CYP2U1: variants seen among roughly 807,000 people sequenced by gnomAD.
The protein encoded by CYP2U1 is cytochrome P450 family 2 subfamily U member 1.
Under a neutral mutation model 42.8 loss-of-function variants are expected in CYP2U1, and 28 were observed. The ratio of observed to expected loss-of-function variants is 0.65; its 90% CI spans 0.48 to 0.90. The LOEUF is 0.90. Ranked by LOEUF, CYP2U1 falls within the 40% of genes least tolerant of loss-of-function variation. CYP2U1 has a pLI of 0.00. For missense variants in CYP2U1, 642 were observed against 693.8 expected, an observed-to-expected ratio of 0.93 and a Z score of 0.84; for synonymous variants, 296 against 278.9, an observed-to-expected ratio of 1.06 and a Z score of -0.61.
At chr4:107,936,097 G>A (rs1733251795) in intron 1 of CYP2U1, 1 of 152,002 alleles carries the variant, frequency 6.6e-6, no homozygotes. Context: ...AGACAAGGTG[G>A]TCTTCTTCTT....
At chr4:107,934,085 T>G (rs1167605564) in intron 1 of CYP2U1, among the ~76,000 whole-genome samples, 1 of 152,208 alleles carries the variant, frequency 6.6e-6, no homozygotes, top group African/African-American at 2.4e-5. Flanking sequence ...GTTTAATTTT[T>G]TGAAGAACCA....
chr4:107,947,378 A>G lies in CYP2U1; in HGVS notation c.1129A>G (p.Lys377Glu). 6.2e-7 allele frequency: 1 copy of G among 1,614,046 alleles called. No homozygotes were observed. The highest frequency in any genetic ancestry group is 8.5e-7 in the Non-Finnish European group (1 of 1,179,966). Residue 377 changes from lysine (K) to glutamate (E), a missense_variant and splice_region_variant, in exon 3 of 5, where the codon AAG becomes GAG. Coordinates refer to ENST00000332884, the MANE Select transcript of CYP2U1 (RefSeq NM_183075.3). ...TTTATTTTTCCCTTTTTACATAGAA[A>G]AGGTTCATGAAGAAATTGAAAGAGT... The part of the protein sequence containing the change: ...YMSLNPDVQE[K>E]VHEEIERVIG...
chr4:107,947,641 C>T (rs1459531188), intron 3 of CYP2U1, 104 bp downstream of exon 3: 3 of 1,142,138 alleles, frequency 2.6e-6, no homozygotes, highest in Non-Finnish European at 3.8e-6. Flanking sequence ...TAGCTTGATC[C>T]TTCTGAAGAT....
Position 107,931,919 on chromosome 4 carries a change from G to C in CYP2U1, c.276G>C (p.Arg92Ser). ...RRRSWLSSRTRAAGIDPSVIG... is the reference protein window; with the variant it reads ...RRRSWLSSRTSAAGIDPSVIG... ...GGAGCTGGCTGAGCAGCAGGACCAG[G>C]GCCGCAGGGATTGATCCCTCGGTCA... Residue 92 changes from arginine (R) to serine (S), a missense_variant, in exon 1 of 5, where the codon AGG becomes AGC. Physicochemically the swap from Arg to Ser is moderately radical, Grantham distance 110. Coordinates refer to ENST00000332884, the MANE Select transcript of CYP2U1 (RefSeq NM_183075.3). 1.3e-6 allele frequency: 2 copies of C among 1,551,084 alleles called. No individual in the cohort carries two copies. Among genetic ancestry groups the C allele is most frequent in the South Asian group, 1.2e-5 (1 of 84,062 alleles).
At position 107,950,295 on chromosome 4, in the gene CYP2U1, A is replaced by G. The variant is rs756308496; in HGVS notation, c.1507A>G (p.Met503Val). 1.2e-6 allele frequency: 2 copies of G among 1,613,838 alleles called. No homozygotes were observed. The highest frequency in any genetic ancestry group is 4.5e-5 in the East Asian group (2 of 44,846). Reference sequence around the variant, plus strand: ...ACTGGCAAAGATGGAATTATTCCTAATGTTTGTGAGCCTAATGCAGAGTTT... The same window carrying G: ...ACTGGCAAAGATGGAATTATTCCTAGTGTTTGTGAGCCTAATGCAGAGTTT... ...EQLAKMELFLMFVSLMQSFAF... is the reference protein window; with the variant it reads ...EQLAKMELFLVFVSLMQSFAF... The change falls in exon 5 of 5, where the codon ATG becomes GTG. Residue 503 changes from methionine (M) to valine (V), a missense_variant. By Grantham distance (21) the Met-to-Val change is conservative. Coordinates refer to ENST00000332884, the MANE Select transcript of CYP2U1 (RefSeq NM_183075.3).
chr4:107,932,149 T>G lies in CYP2U1; in HGVS notation c.490+16T>G. The G allele has an allele frequency of 6.3e-7, 1 of 1,596,026 alleles. No individual in the cohort carries two copies. The highest frequency in any genetic ancestry group is 8.5e-7 in the Non-Finnish European group (1 of 1,172,404). On this transcript the variant is annotated intron_variant, in intron 1 of 4. Coordinates refer to ENST00000332884, the MANE Select transcript of CYP2U1 (RefSeq NM_183075.3). Reference sequence around the variant, plus strand: ...AAGGAGAAGGGTGAGCGGGAGGTCGTGGGCTGTGGGTACGCGGATGCCGCG... The same window carrying G: ...AAGGAGAAGGGTGAGCGGGAGGTCGGGGGCTGTGGGTACGCGGATGCCGCG...
At chr4:107,940,984 C>A (rs968385201) in intron 1 of CYP2U1, 1 of 151,980 alleles carries the variant, frequency 6.6e-6, no homozygotes, top group African/African-American at 2.4e-5. Context: ...AAAAAAGAGA[C>A]ATTCCCCCAA....
Position 107,952,782 on chromosome 4 carries a change from C to T in CYP2U1, c.*2359C>T, listed in dbSNP as rs1295061087. 1.3e-5 allele frequency: 2 copies of T among 152,152 alleles called. No individual in the cohort carries two copies. The highest frequency in any genetic ancestry group is 2.9e-5 in the Non-Finnish European group (2 of 68,010). 9.4% of individuals were successfully genotyped at this position (152,152 alleles called of 1,614,324 possible). On this transcript the variant is annotated 3_prime_UTR_variant, in exon 5 of 5. Transcript: ENST00000332884. ...AATATCTGCTTAACCAAAACATAAT[C>T]ATAGGAAGAAGAAAAATTTTAAAAT...
chr4:107,942,350 TA>T (rs926042129), intron 1 of CYP2U1, among the ~76,000 whole-genome samples: 3 of 151,900 alleles, frequency 2.0e-5, no homozygotes, highest in South Asian at 2.1e-4. Flanking sequence ...CCTCTGTGTT[TA>T]AAAAAAATAA....
chr4:107,947,986 G>A (rs1366690995), intron 3 of CYP2U1, among the ~76,000 whole-genome samples: 1 of 152,126 alleles, frequency 6.6e-6, no homozygotes, highest in African/African-American at 2.4e-5. Context: ...ATAATTAGAA[G>A]GCCGGGTGTG....
chr4:107,936,295 G>C (rs1377205503), intron 1 of CYP2U1: 1 of 152,218 alleles, frequency 6.6e-6, no homozygotes, highest in Non-Finnish European at 1.5e-5. Context: ...TTATGTATTA[G>C]AAACTTAATC....
chr4:107,946,416 C>A (rs547569426), intron 2 of CYP2U1, among the ~76,000 whole-genome samples: 2 of 152,092 alleles, frequency 1.3e-5, no homozygotes, highest in East Asian at 3.9e-4. Context: ...ACCCAGGTGA[C>A]CAAGGATAAT....
chr4:107,949,380 C>T lies in CYP2U1; in HGVS notation c.1319C>T (p.Thr440Ile), dbSNP rs781535072. ...CAAGGGTATACCATTCCTAAAGGCA[C>T]ATTGATCTTACCCAACCTGTGGTCA... ...VLQGYTIPKG[T>I]LILPNLWSVH... Residue 440 changes from threonine to isoleucine, a missense_variant, in exon 4 of 5, where the codon ACA (threonine) becomes ATA (isoleucine). Thr to Ile is a moderately conservative substitution (Grantham distance 89). Coordinates refer to ENST00000332884, the MANE Select transcript of CYP2U1 (RefSeq NM_183075.3). The T allele has an allele frequency of 2.5e-6, 4 of 1,587,872 alleles. No homozygotes were observed. Among genetic ancestry groups the T allele is most frequent in the South Asian group, 2.3e-5 (2 of 86,142 alleles).
chr4:107,952,716 A>G lies in CYP2U1; in HGVS notation c.*2293A>G, dbSNP rs1457485721. On this transcript the variant is annotated 3_prime_UTR_variant, in exon 5 of 5. Transcript: ENST00000332884. ...GGCTAGATTTTTCCTTTGATTTAGC[A>G]CATTCCTAGGCAGACTTTTGCAAGC... The G allele has an allele frequency of 6.6e-6, 1 of 152,212 alleles. No homozygotes were observed. The highest frequency in any genetic ancestry group is 6.5e-5 in the Admixed American group (1 of 15,280). The allele number at this position is 152,212 out of a possible 1,614,324, so 9.4% of individuals were successfully genotyped here. A position where few individuals can be genotyped will look rare whatever the true frequency, so the allele number is the denominator to read the frequency against.
Position 107,931,782 on chromosome 4 carries a change from G to T in CYP2U1, c.139G>T (p.Gly47Cys). 6.6e-7 allele frequency: 1 copy of T among 1,506,854 alleles called. No homozygotes were observed. Among genetic ancestry groups the T allele is most frequent in the Non-Finnish European group, 8.8e-7 (1 of 1,130,882 alleles). 93.3% of individuals were successfully genotyped at this position (1,506,854 alleles called of 1,614,324 possible). Residue 47 changes from glycine (G) to cysteine (C), a missense_variant, in exon 1 of 5, where the codon GGC becomes TGC. By Grantham distance (159) the Gly-to-Cys change is radical. Coordinates refer to ENST00000332884, the MANE Select transcript of CYP2U1 (RefSeq NM_183075.3). ...GCTATGCGGCCTCGTAGCGCTGCTG[G>T]GCTGGAGCTGGCTGCGGAGGCGCCG... is the stretch of plus-strand genomic sequence containing the variant. ...LLLCGLVALL[G>C]WSWLRRRRAR...
chr4:107,949,086 G>T (rs980744133), intron 3 of CYP2U1, among the ~76,000 whole-genome samples: 1 of 151,962 alleles, frequency 6.6e-6, no homozygotes, highest in African/African-American at 2.4e-5. Context: ...TCTCTTCATT[G>T]TAATGTTTTT....
At chr4:107,944,506 C>T (rs1733612250) in intron 1 of CYP2U1, among the ~76,000 whole-genome samples, 1 of 149,874 alleles carries the variant, frequency 6.7e-6, no homozygotes, top group Admixed American at 6.7e-5. Context: ...GGGTCTTGTT[C>T]TGTTGCCCAA....
rs575743973 is a variant in CYP2U1, at chr4:107,944,227, ATTAT to A, written c.491-742_491-739del. ...GCCCTCATGTCAATCTGTTGCTATA[ATTAT>A]CCTTCAGTTCAGAATGTTTAGAATA... On this transcript the variant is annotated intron_variant, in intron 1 of 4. Coordinates refer to ENST00000332884, the MANE Select transcript of CYP2U1 (RefSeq NM_183075.3). Among the ~76,000 whole-genome samples, 106 of 152,272 alleles carry A rather than the reference ATTAT, an allele frequency of 7.0e-4. 2 individuals are homozygous for A. In the South Asian group the frequency reaches 0.018, roughly 26 times the overall value.
intron 1 of CYP2U1, among the ~76,000 whole-genome samples, chr4:107,937,169 A>C (rs1733301686): frequency 6.6e-6 from 1 of 152,240 alleles, no homozygotes; most frequent in African/African-American, 2.4e-5. Flanking sequence ...GAAGTATGGG[A>C]TAGATCAGTC....
Sources: allele counts gnomAD v4.1 joint callset (sites outside exome capture counted in the v4.1 genomes callset), GRCh38; gene constraint gnomAD v4.1.1; transcripts MANE v1.5; gene names NCBI Gene and HGNC (gene_info 2026-07-23, HGNC 2026-07-21).